CD36: variants seen among roughly 807,000 people sequenced by gnomAD.
CD36 encodes the protein platelet glycoprotein 4.
In CD36, 119 loss-of-function variants were observed where a neutral mutation model predicts 55.2. The ratio of observed to expected loss-of-function variants is 2.15; its 90% CI spans 1.86 to 2.51. CD36 has a LOEUF of 2.51. Among genes scored for constraint, CD36 ranks in the 30% most tolerant of loss-of-function variants. CD36 has a pLI of 0.00. For synonymous variants in CD36, 186 were observed against 193.6 expected (o/e 0.96, Z 0.33); for missense variants, 819 against 555.5 (o/e 1.47, Z -4.77).
chr7:80,656,235 A>C (rs1014874879), intron 3 of CD36, among the ~76,000 whole-genome samples: 1 of 152,174 alleles, frequency 6.6e-6, no homozygotes, highest in African/African-American at 2.4e-5. Context: ...TGACTGTTGC[A>C]ATATTTTCAA....
At chr7:80,646,318 A>T in intron 2 of CD36, 137 bp downstream of exon 2, 1 of 236,730 alleles carries the variant, frequency 4.2e-6, no homozygotes, top group Non-Finnish European at 8.5e-6. Context: ...CCAGATAGTG[A>T]GGATGCAACT....
intron 3 of CD36, chr7:80,647,311 C>G (rs1795245570): frequency 5.9e-6 from 1 of 170,538 alleles, no homozygotes; most frequent in Non-Finnish European, 1.3e-5. Context: ...AACATAAATC[C>G]TTATTAAATT....
At chr7:80,607,450 C>T (rs1311465966) in intron 1 of CD36, among the ~76,000 whole-genome samples, 1 of 152,104 alleles carries the variant, frequency 6.6e-6, no homozygotes, top group Non-Finnish European at 1.5e-5. Flanking sequence ...TAGTTTTTAG[C>T]ACACTCTAAA....
Position 80,658,266 on chromosome 7 carries a change from C to CATAT in CD36, c.281+1574_281+1577dup, listed in dbSNP as rs549857556. 4.1e-4 allele frequency among the ~76,000 whole-genome samples: 58 copies of CATAT among 139,848 alleles called. No homozygotes were observed. In the East Asian group the frequency reaches 6.0e-3, roughly 14 times the overall value. The allele number at this position is 139,848 out of a possible 152,430, so 91.7% of individuals were successfully genotyped here. A position where few individuals can be genotyped will look rare whatever the true frequency, so the allele number is the denominator to read the frequency against. On this transcript the variant is annotated intron_variant, in intron 4 of 14. Coordinates refer to ENST00000447544, the MANE Select transcript of CD36 (RefSeq NM_001001548.3). The stretch of plus-strand genomic sequence containing the variant: ...TTGCAAAGAATGTTGTTAGGTGTAC[C>CATAT]ATATATATATACACACATATATATA...
At chr7:80,615,234 T>C (rs1793081575) in intron 1 of CD36, among the ~76,000 whole-genome samples, 1 of 152,170 alleles carries the variant, frequency 6.6e-6, no homozygotes. Flanking sequence ...AATTTATTGC[T>C]TTTCATGTGA....
In CD36 at chr7:80,656,548, C is replaced by T; in HGVS notation, c.129C>T (p.Val43=). 6.2e-7 allele frequency: 1 copy of T among 1,613,388 alleles called. No individual in the cohort carries two copies. The change falls in exon 4 of 15, where the codon GTC becomes GTT. Residue 43 remains valine (V), a synonymous_variant. Transcript: ENST00000447544. ...LIQKTIKKQV[V]LEEGTIAFKN... ...TATTTTCTTTTTCATAGCAAGTTGTCCTCGAAGAAGGTACAATTGCTTTTA... is the reference window on the plus strand; with the variant it reads ...TATTTTCTTTTTCATAGCAAGTTGTTCTCGAAGAAGGTACAATTGCTTTTA...
In CD36 at chr7:80,631,274, A is replaced by T. The variant is rs552798574; in HGVS notation, c.-183-14814A>T. Among the ~76,000 whole-genome samples the T allele has an allele frequency of 7.1e-4, 108 of 152,184 alleles. 1 individual carries two copies. The highest frequency in any genetic ancestry group is 6.6e-3 in the South Asian group (32 of 4,834). On this transcript the variant is annotated intron_variant, in intron 1 of 13. Coordinates refer to the CD36 transcript ENST00000309881. ...GTCCTTCGTTGTTTGCTGGAGAACA[A>T]TGAGGATGATAGACACTTTCATAAA... is the stretch of plus-strand genomic sequence containing the variant.
chr7:80,672,642 A>T (rs1797808146), intron 11 of CD36, 128 bp from the exon 12 acceptor site: 2 of 678,038 alleles, frequency 2.9e-6, no homozygotes, highest in East Asian at 2.8e-5. Flanking sequence ...ATGCAGTTTT[A>T]AAAGTTTCAA....
At chr7:80,626,432 A>C (rs1793740971) in intron 1 of CD36, among the ~76,000 whole-genome samples, 1 of 152,222 alleles carries the variant, frequency 6.6e-6, no homozygotes, top group Admixed American at 6.6e-5. Flanking sequence ...CCATTGCCTT[A>C]GCTTAAATCT....
chr7:80,674,090 G>GA lies in CD36; in HGVS notation c.1363dup (p.Met455AsnfsTer99), dbSNP rs1562828853. On this transcript the variant is annotated frameshift_variant, in exon 14 of 15. Coordinates refer to ENST00000447544, the MANE Select transcript of CD36 (RefSeq NM_001001548.3). LOFTEE classifies it high-confidence loss of function. ...TGATCTTACTCAGTGTTGGTGTGGT[G>GA]ATGTTTGTTGCTTTTATGATTTCAT... is the stretch of plus-strand genomic sequence containing the variant. 1 of 1,612,472 alleles carries GA rather than the reference G, an allele frequency of 6.2e-7. No individual in the cohort carries two copies. The highest frequency in any genetic ancestry group is 1.7e-5 in the Admixed American group (1 of 59,888).
At chr7:80,656,347 A>C (rs1796062789) in intron 3 of CD36, among the ~76,000 whole-genome samples, 193 bp from the exon 4 acceptor site, 1 of 152,164 alleles carries the variant, frequency 6.6e-6, no homozygotes, top group Non-Finnish European at 1.5e-5. Context: ...TAAAAGGCTA[A>C]AAAGACTGCT....
At chr7:80,630,029 G>C (rs1194518745) in intron 1 of CD36, among the ~76,000 whole-genome samples, 1 of 151,804 alleles carries the variant, frequency 6.6e-6, no homozygotes, top group East Asian at 1.9e-4. Flanking sequence ...AGATAAGCCA[G>C]GGAAAAATTA....
At chr7:80,665,847 G>GAT (rs1797035681) in intron 7 of CD36, 1 of 152,334 alleles carries the variant, frequency 6.6e-6, no homozygotes, top group South Asian at 2.1e-4. Flanking sequence ...ATCACTTCCA[G>GAT]ATATATATAG....
intron 9 of CD36, 151 bp downstream of exon 9, chr7:80,670,173 G>A (rs761726133): frequency 4.4e-5 from 27 of 619,548 alleles, no homozygotes; most frequent in Non-Finnish European, 7.1e-5. Context: ...ATTTTTAATA[G>A]TACAAATTTT....
At chr7:80,605,601 T>A (rs186228448) in intron 1 of CD36, among the ~76,000 whole-genome samples, 72 of 152,246 alleles carry the variant, frequency 4.7e-4, no homozygotes, top group African/African-American at 1.5e-3. Flanking sequence ...TTTTGCATCA[T>A]TTACTCTTAA....
At chr7:80,633,786 C>G (rs1359587367), upstream of CD36, among the ~76,000 whole-genome samples, 3 of 151,846 alleles carry the variant, frequency 2.0e-5, no homozygotes, top group African/African-American at 7.3e-5. Flanking sequence ...TTAGTATTCC[C>G]TAAAGATTAA....
intron 1 of CD36, among the ~76,000 whole-genome samples, chr7:80,626,658 AT>A (rs1793758074): frequency 6.6e-6 from 1 of 152,074 alleles, no homozygotes. Flanking sequence ...AGTATTATGT[AT>A]TTTTAAAATC....
At chr7:80,606,947 T>C (rs1033070037) in intron 1 of CD36, among the ~76,000 whole-genome samples, 25 of 152,234 alleles carry the variant, frequency 1.6e-4, no homozygotes, top group African/African-American at 5.5e-4. Context: ...CTTCCAATCT[T>C]TGTGTATTTT....
chr7:80,622,598 G>T (rs2115920032), intron 1 of CD36, among the ~76,000 whole-genome samples: 1 of 152,276 alleles, frequency 6.6e-6, no homozygotes, highest in South Asian at 2.1e-4. Flanking sequence ...TAACTCTGGG[G>T]GTCTCTGAAC....
Sources: allele counts gnomAD v4.1 joint callset (sites outside exome capture counted in the v4.1 genomes callset), GRCh38; gene constraint gnomAD v4.1.1; transcripts MANE v1.5; gene names NCBI Gene and HGNC (gene_info 2026-07-23, HGNC 2026-07-21).